SPAG9: variants seen among roughly 807,000 people sequenced by gnomAD.
SPAG9 encodes the protein C-Jun-amino-terminal kinase-interacting protein 4.
A neutral mutation model predicts 166.5 loss-of-function variants in SPAG9; 35 were observed. That is an observed-to-expected ratio of 0.21 (90% CI 0.16 to 0.28). SPAG9 has a LOEUF of 0.28. Among genes scored for constraint, SPAG9 ranks in the 10% least tolerant of loss-of-function variants. The pLI is 1.00. For synonymous variants in SPAG9, 534 were observed against 565.5 expected (o/e 0.94, Z 0.79); for missense variants, 1,235 against 1,603.3 (o/e 0.77, Z 3.92).
intron 18 of SPAG9, among the ~76,000 whole-genome samples, chr17:50,994,684 C>T (rs1016461159): frequency 5.3e-5 from 8 of 152,134 alleles, no homozygotes; most frequent in African/African-American, 1.9e-4. Flanking sequence ...AGGAGGTTAA[C>T]ACTGCAGTGA....
At chr17:51,105,982 T>C (rs564536867) in intron 1 of SPAG9, among the ~76,000 whole-genome samples, 3 of 151,958 alleles carry the variant, frequency 2.0e-5, no homozygotes, top group Non-Finnish European at 4.4e-5. Context: ...AATAAAATTA[T>C]GGCCAGGCGC....
At chr17:50,990,006 C>A in intron 20 of SPAG9, 134 bp from the exon 21 acceptor site, 2 of 771,364 alleles carry the variant, frequency 2.6e-6, no homozygotes, top group Non-Finnish European at 4.3e-6. Context: ...AAGAATTCTT[C>A]ATTCCATTTA....
intron 15 of SPAG9, among the ~76,000 whole-genome samples, chr17:50,997,427 A>G (rs372909423): frequency 1.6e-4 from 25 of 152,362 alleles, no homozygotes; most frequent in African/African-American, 2.4e-4. Flanking sequence ...GAGTAAATCA[A>G]TATCTGCTTA....
At chr17:51,048,599 TTAAG>T (rs2047095695) in intron 3 of SPAG9, among the ~76,000 whole-genome samples, 1 of 152,132 alleles carries the variant, frequency 6.6e-6, no homozygotes, top group Non-Finnish European at 1.5e-5. Flanking sequence ...CTGTAGCATA[TTAAG>T]TAACAAAATA....
At chr17:51,102,137 T>G (rs969582522) in intron 1 of SPAG9, among the ~76,000 whole-genome samples, 1 of 151,972 alleles carries the variant, frequency 6.6e-6, no homozygotes, top group South Asian at 2.1e-4. Flanking sequence ...AATCCTAGCA[T>G]TTTGGGAGGC....
chr17:51,115,918 A>C (rs181786781), intron 1 of SPAG9, among the ~76,000 whole-genome samples: 1 of 152,336 alleles, frequency 6.6e-6, no homozygotes, highest in East Asian at 1.9e-4. Flanking sequence ...CCCTCTACTG[A>C]ATGATGCTAA....
chr17:51,007,396 G>A (rs1287431322), intron 9 of SPAG9, 70 bp from the exon 10 acceptor site: 2 of 784,784 alleles, frequency 2.5e-6, no homozygotes, highest in Non-Finnish European at 4.0e-6. Context: ...TAAAATATAA[G>A]CTATAGTCAC....
intron 1 of SPAG9, among the ~76,000 whole-genome samples, chr17:51,113,353 C>CAAAAAAA (rs34917845): frequency 2.1e-5 from 2 of 95,910 alleles, no homozygotes; most frequent in Non-Finnish European, 2.1e-5. Context: ...AATGCCATAT[C>CAAAAAAA]AAAAAAAAAA....
intron 2 of SPAG9, among the ~76,000 whole-genome samples, chr17:51,076,064 C>T (rs1460146899): frequency 6.6e-6 from 1 of 151,482 alleles, no homozygotes; most frequent in African/African-American, 2.4e-5. Flanking sequence ...CACTGCACTC[C>T]AGCCTGGGTG....
rs758187012 is a variant in SPAG9, at chr17:50,996,644, C to T, written c.1889G>A (p.Arg630His). The T allele has an allele frequency of 6.2e-7, 1 of 1,614,124 alleles. No homozygotes were observed. The highest frequency in any genetic ancestry group is 1.1e-5 in the South Asian group (1 of 91,080). The change falls in exon 16 of 30, where the codon CGT (arginine) becomes CAT (histidine). Residue 630 changes from arginine (R) to histidine (H), a missense_variant. Coordinates refer to ENST00000262013, the MANE Select transcript of SPAG9 (RefSeq NM_001130528.3). Reference protein sequence around the residue: ...SRREQKREQYRQVKAHVQKED... With the variant: ...SRREQKREQYHQVKAHVQKED... The stretch of plus-strand genomic sequence containing the variant: ...CTTCTGAACATGTGCTTTTACCTGA[C>T]GATACTGCTCTCTCTTTTGTTCTCT...
chr17:51,120,275 G>A lies in SPAG9; in HGVS notation c.303+79C>T, dbSNP rs2144820307. On this transcript the variant is annotated intron_variant, in intron 1 of 29. Coordinates refer to ENST00000262013, the MANE Select transcript of SPAG9 (RefSeq NM_001130528.3). This position sits in a 1 kb window ranked among gnomAD's most constrained non-coding sequence, Gnocchi z 4.7. ...CTCCAGGAGGCCCGTCGCGCCTCTA[G>A]TCCCCGACCGGGCCGCGACCCCGCC... is the stretch of plus-strand genomic sequence containing the variant. 2 of 1,266,664 alleles carry A rather than the reference G, an allele frequency of 1.6e-6. No homozygotes were observed. The highest frequency in any genetic ancestry group is 2.0e-6 in the Non-Finnish European group (2 of 977,128). The allele number at this position is 1,266,664 out of a possible 1,614,324, so 78.5% of individuals were successfully genotyped here.
At chr17:51,020,354 G>T in intron 7 of SPAG9, 96 bp from the exon 8 acceptor site, 1 of 754,966 alleles carries the variant, frequency 1.3e-6, no homozygotes, top group South Asian at 1.8e-5. Context: ...GGTATCATTT[G>T]AACATTTTTT....
Position 51,024,713 on chromosome 17 carries a change from C to CAA in SPAG9, c.784-3350_784-3349dup, listed in dbSNP as rs35903769. On this transcript the variant is annotated intron_variant, in intron 6 of 29. Transcript: ENST00000262013. The stretch of plus-strand genomic sequence containing the variant: ...GGGCAAAAAGAGCAAGACTCTGTCT[C>CAA]AAAAAAAAAAAAAAAATTGTACAAT... 8.0e-4 allele frequency among the ~76,000 whole-genome samples: 102 copies of CAA among 126,850 alleles called. No individual in the cohort carries two copies. The Middle Eastern group carries it at 0.023, about 29-fold the overall frequency. The allele number at this position is 126,850 out of a possible 152,430, so 83.2% of individuals were successfully genotyped here.
At chr17:50,994,196 T>G (rs1454188409) in intron 18 of SPAG9, among the ~76,000 whole-genome samples, 1 of 152,178 alleles carries the variant, frequency 6.6e-6, no homozygotes, top group Non-Finnish European at 1.5e-5. Flanking sequence ...TTTCCCATGC[T>G]ATTCTCGTGA....
chr17:51,079,219 T>A (rs1251671930), intron 2 of SPAG9, among the ~76,000 whole-genome samples: 2 of 145,526 alleles, frequency 1.4e-5, no homozygotes, highest in Non-Finnish European at 3.0e-5. Context: ...ATTGCACCAT[T>A]AGAGCCAATT....
chr17:50,995,563 G>A (rs777524279), intron 16 of SPAG9, 30 bp from the exon 17 acceptor site: 2 of 1,342,530 alleles, frequency 1.5e-6, no homozygotes, highest in Non-Finnish European at 2.1e-6. Flanking sequence ...GAGTGAAAAA[G>A]GCACATTAGT....
chr17:51,007,955 T>C (rs984102829), intron 9 of SPAG9: 13 of 339,188 alleles, frequency 3.8e-5, no homozygotes, highest in African/African-American at 2.4e-4. Context: ...GTTTTATACA[T>C]GATATGAAAA....
chr17:50,981,516 AGATAGATAGAT>A (rs1337331188), intron 25 of SPAG9, among the ~76,000 whole-genome samples: 7 of 149,478 alleles, frequency 4.7e-5, no homozygotes, highest in East Asian at 1.9e-4. Context: ...ATAGATAGAT[AGATAGATAGAT>A]AGAAAGAAAG....
In SPAG9 at chr17:51,110,350, G is replaced by A. The variant is rs2049071115; in HGVS notation, c.303+10004C>T. Among the ~76,000 whole-genome samples, 13 of 151,674 alleles carry A rather than the reference G, an allele frequency of 8.6e-5. No individual in the cohort carries two copies. The South Asian group carries it at 2.7e-3, about 32-fold the overall frequency. ...GTTTACCTAATAAAAAGCTGGGAGG[G>A]GTGGTGGTGGATTTACTGAAAAAGT... On this transcript the variant is annotated intron_variant, in intron 1 of 29. Coordinates refer to ENST00000262013, the MANE Select transcript of SPAG9 (RefSeq NM_001130528.3).
Sources: gnomAD v4.1 joint callset for allele counts (sites outside exome capture counted in the v4.1 genomes callset) on GRCh38, gnomAD v4.1.1 for gene constraint, Gnocchi (gnomAD v3.1) non-coding constraint, MANE v1.5 for transcripts, NCBI Gene and HGNC (gene_info 2026-07-23, HGNC 2026-07-21) for gene names.